Variants in THSD7B observed in about 807,000 individuals in gnomAD.
The protein encoded by THSD7B is thrombospondin type-1 domain-containing protein 7B.
Under a neutral mutation model 213.6 loss-of-function variants are expected in THSD7B, and 138 were observed. The observed-to-expected ratio is 0.65, with a 90% CI of 0.56 to 0.74. THSD7B has a LOEUF of 0.74. Ranked by LOEUF, THSD7B falls within the 30% of genes least tolerant of loss-of-function variation. The pLI is 0.00. For synonymous variants in THSD7B, 742 were observed against 687.0 expected, an observed-to-expected ratio of 1.08 and a Z score of -1.25; for missense variants, 1,931 against 1,991.5, an observed-to-expected ratio of 0.97 and a Z score of 0.58.
chr2:137,330,032 G>T (rs1421906642), intron 12 of THSD7B, among the ~76,000 whole-genome samples: 1 of 152,218 alleles, frequency 6.6e-6, no homozygotes, highest in African/African-American at 2.4e-5. Context: ...TTAGGCTGTT[G>T]CTTCAGAGGG....
intron 3 of THSD7B, among the ~76,000 whole-genome samples, chr2:137,073,890 C>A (rs546806763): frequency 5.9e-5 from 9 of 152,226 alleles, no homozygotes; most frequent in Admixed American, 5.9e-4. Context: ...TGTAGTTGAG[C>A]GGTTTTGAGT....
At position 137,072,140 on chromosome 2, in the gene THSD7B, G is replaced by A. The variant is rs573698424; in HGVS notation, c.950+14910G>A. Among the ~76,000 whole-genome samples the A allele has an allele frequency of 5.9e-4, 90 of 152,272 alleles. No homozygotes were observed. The South Asian group carries it at 8.3e-3, about 14-fold the overall frequency. On this transcript the variant is annotated intron_variant, in intron 3 of 27. Transcript: ENST00000409968. Reference sequence around the variant, plus strand: ...TTAAAGTAGTTTTTTCCAATTCTGTGAAGAAAGTCATTGGTAGCTTGATGA... The same window carrying A: ...TTAAAGTAGTTTTTTCCAATTCTGTAAAGAAAGTCATTGGTAGCTTGATGA...
intron 15 of THSD7B, among the ~76,000 whole-genome samples, chr2:137,506,622 A>G (rs1022440418): frequency 1.3e-5 from 2 of 152,244 alleles, no homozygotes; most frequent in African/African-American, 2.4e-5. Flanking sequence ...AAGCCCACAG[A>G]CAGACTTCTC....
At chr2:137,518,285 A>G (rs1680112601) in intron 15 of THSD7B, among the ~76,000 whole-genome samples, 1 of 152,158 alleles carries the variant, frequency 6.6e-6, no homozygotes, top group African/African-American at 2.4e-5. Context: ...CCGAAAGTGG[A>G]CAGCTGCAGC....
chr2:137,629,577 A>C (rs16839179), intron 20 of THSD7B, among the ~76,000 whole-genome samples: 3,925 of 152,290 alleles, frequency 0.026, 169 homozygotes, highest in African/African-American at 0.088. Context: ...CTGAGCTAAA[A>C]TTCACCTTTC....
rs530330773 is a variant in THSD7B at position 137,053,633 on chromosome 2, T to G, written c.140-2787T>G. Among the ~76,000 whole-genome samples, 25 of 152,274 alleles carry G rather than the reference T, an allele frequency of 1.6e-4. 1 individual carries two copies. The South Asian group carries it at 2.7e-3, about 16-fold the overall frequency. ...CTTTAAAAGTAAAGACAAGAGTTAC[T>G]TGGCCAGATATTCTAAATGAATTAA... On this transcript the variant is annotated intron_variant, in intron 2 of 27. Transcript: ENST00000409968.
In THSD7B at chr2:136,765,673, G is replaced by A; in HGVS notation, c.-50G>A. On this transcript the variant is annotated 5_prime_UTR_variant, in exon 1 of 28. Coordinates refer to ENST00000409968, the MANE Select transcript of THSD7B (RefSeq NM_001316349.2). ...GCGGCTCCCAGAGGTTACGGCGGCGGCTCTGGCGAGACGGGTGAGTGCAAG... is the reference window on the plus strand; with the variant it reads ...GCGGCTCCCAGAGGTTACGGCGGCGACTCTGGCGAGACGGGTGAGTGCAAG... 6.6e-6 allele frequency: 1 copy of A among 152,270 alleles called. No homozygotes were observed. The highest frequency in any genetic ancestry group is 1.5e-5 in the Non-Finnish European group (1 of 68,032). 9.4% of individuals were successfully genotyped at this position (152,270 alleles called of 1,614,324 possible). A position where few individuals can be genotyped will look rare whatever the true frequency, so the allele number is the denominator to read the frequency against.
intron 15 of THSD7B, among the ~76,000 whole-genome samples, chr2:137,533,322 T>C (rs979595995): frequency 1.3e-5 from 2 of 151,836 alleles, no homozygotes; most frequent in African/African-American, 4.8e-5. Flanking sequence ...AATCCTGTTA[T>C]TTCTACTCTG....
At chr2:137,202,057 T>A (rs1382513388) in intron 7 of THSD7B, among the ~76,000 whole-genome samples, 10 of 152,124 alleles carry the variant, frequency 6.6e-5, no homozygotes, top group Admixed American at 6.6e-4. Flanking sequence ...TCTCCCATAG[T>A]GTATTGTGTA....
At chr2:137,594,993 A>G (rs1414114578) in intron 17 of THSD7B, among the ~76,000 whole-genome samples, 1 of 151,970 alleles carries the variant, frequency 6.6e-6, no homozygotes. Context: ...TGCTATCTTT[A>G]CTTTCCCATT....
intron 2 of THSD7B, among the ~76,000 whole-genome samples, chr2:136,891,264 T>G (rs1174573442): frequency 6.6e-6 from 1 of 152,166 alleles, no homozygotes; most frequent in Non-Finnish European, 1.5e-5. Flanking sequence ...ATAGTGAGCT[T>G]TCTTCTAATG....
At chr2:137,512,046 C>G (rs770778368) in intron 15 of THSD7B, 2 of 152,116 alleles carry the variant, frequency 1.3e-5, no homozygotes, top group Non-Finnish European at 2.9e-5. Context: ...AAACAATGTT[C>G]AAATTGTTAC....
intron 1 of THSD7B, among the ~76,000 whole-genome samples, chr2:136,782,281 T>C (rs562877929): frequency 1.3e-5 from 2 of 152,256 alleles, no homozygotes; most frequent in Admixed American, 6.5e-5. Flanking sequence ...ACTACCTTGC[T>C]GTAACTCCCT....
intron 14 of THSD7B, among the ~76,000 whole-genome samples, chr2:137,425,093 A>G (rs963512425): frequency 4.8e-5 from 5 of 103,704 alleles, no homozygotes; most frequent in South Asian, 4.2e-4. Flanking sequence ...TAATAATAAT[A>G]ATAATGATAA....
intron 5 of THSD7B, among the ~76,000 whole-genome samples, chr2:137,159,005 T>A (rs369673828): frequency 3.3e-5 from 5 of 152,204 alleles, no homozygotes; most frequent in South Asian, 2.1e-4. Flanking sequence ...GAGTAATTAC[T>A]TAATGCATTT....
chr2:137,377,596 A>AT (rs907312903), intron 12 of THSD7B, among the ~76,000 whole-genome samples: 3 of 151,348 alleles, frequency 2.0e-5, no homozygotes, highest in Non-Finnish European at 2.9e-5. Flanking sequence ...TAAATTATGA[A>AT]TTTTTTTTGC....
At chr2:137,018,167 A>C (rs1205903960) in intron 2 of THSD7B, among the ~76,000 whole-genome samples, 1 of 152,112 alleles carries the variant, frequency 6.6e-6, no homozygotes, top group Non-Finnish European at 1.5e-5. Flanking sequence ...AGGCAAATGC[A>C]TTTTATTTTA....
chr2:136,803,335 C>T (rs902385598), intron 1 of THSD7B, among the ~76,000 whole-genome samples: 6 of 152,214 alleles, frequency 3.9e-5, no homozygotes, highest in Non-Finnish European at 7.4e-5. Flanking sequence ...TGCTGACCTT[C>T]CTGGCAGTCA....
At chr2:137,316,739 C>CA (rs1684116058) in intron 12 of THSD7B, among the ~76,000 whole-genome samples, 1 of 130,190 alleles carries the variant, frequency 7.7e-6, no homozygotes. Context: ...GCCTGGGCGA[C>CA]AGAGCGAGAC....
Sources: allele counts gnomAD v4.1 joint callset (sites outside exome capture counted in the v4.1 genomes callset), GRCh38; gene constraint gnomAD v4.1.1; transcripts MANE v1.5; gene names NCBI Gene and HGNC (gene_info 2026-07-23, HGNC 2026-07-21).